The following CNTNAP5 variants were observed in gnomAD, a reference collection of about 807,000 sequenced individuals.
The protein encoded by CNTNAP5 is contactin associated protein family member 5.
CNTNAP5 carries 72 observed loss-of-function variants against 150.2 expected under a neutral mutation model. The ratio of observed to expected loss-of-function variants is 0.48; its 90% CI spans 0.40 to 0.58. The LOEUF is 0.58. Ranked by LOEUF, CNTNAP5 falls within the 20% of genes least tolerant of loss-of-function variation. The probability of loss-of-function intolerance (pLI) is 0.00; values close to 1 mark genes in which losing one functional copy is unlikely to be tolerated. For synonymous variants in CNTNAP5, 672 were observed against 619.8 expected (o/e 1.08, Z -1.25); for missense variants, 1,636 against 1,626.2 (o/e 1.01, Z -0.10).
intron 1 of CNTNAP5, among the ~76,000 whole-genome samples, chr2:124,108,304 G>A (rs1042614087): frequency 7.2e-5 from 11 of 152,062 alleles, no homozygotes; most frequent in Non-Finnish European, 1.2e-4. Flanking sequence ...TAAATTAATA[G>A]CTTTCCTCTC....
At chr2:124,789,250 G>A (rs1267511570) in intron 17 of CNTNAP5, among the ~76,000 whole-genome samples, 1 of 152,108 alleles carries the variant, frequency 6.6e-6, no homozygotes, top group Non-Finnish European at 1.5e-5. Context: ...GACTGTGTGA[G>A]AACTTTTTTT....
At chr2:124,656,684 C>T (rs893853965) in intron 13 of CNTNAP5, among the ~76,000 whole-genome samples, 2 of 152,102 alleles carry the variant, frequency 1.3e-5, no homozygotes, top group African/African-American at 4.8e-5. Flanking sequence ...CTGTTCAGAC[C>T]ATGAATTATT....
intron 8 of CNTNAP5, among the ~76,000 whole-genome samples, chr2:124,511,807 C>G (rs957970395): frequency 2.0e-5 from 3 of 152,162 alleles, no homozygotes; most frequent in African/African-American, 7.2e-5. Context: ...GAAAAGTAAA[C>G]TTAGCCTATT....
chr2:124,635,440 C>T (rs951589335), intron 12 of CNTNAP5, among the ~76,000 whole-genome samples: 2 of 152,098 alleles, frequency 1.3e-5, no homozygotes, highest in Non-Finnish European at 1.5e-5. Context: ...CAGATCAAAC[C>T]ATATCATGGG....
At chr2:124,331,128 T>C (rs1203611040) in intron 3 of CNTNAP5, among the ~76,000 whole-genome samples, 1 of 152,062 alleles carries the variant, frequency 6.6e-6, no homozygotes, top group Non-Finnish European at 1.5e-5. Flanking sequence ...TTCCCATATG[T>C]CCTTAATGAC....
intron 19 of CNTNAP5, among the ~76,000 whole-genome samples, chr2:124,833,471 G>A (rs1429973761): frequency 1.3e-5 from 2 of 152,118 alleles, no homozygotes; most frequent in African/African-American, 4.8e-5. Context: ...GGGACACCAT[G>A]ATTGTTGACT....
chr2:124,087,697 G>C (rs1682724221), intron 1 of CNTNAP5, among the ~76,000 whole-genome samples: 1 of 151,756 alleles, frequency 6.6e-6, no homozygotes, highest in Non-Finnish European at 1.5e-5. Flanking sequence ...ACTCCAGCCT[G>C]GGCGACAGAG....
chr2:124,659,470 G>GC lies in CNTNAP5; in HGVS notation c.2077+11514dup, dbSNP rs750329959. Among the ~76,000 whole-genome samples, 73 of 152,186 alleles carry GC rather than the reference G, an allele frequency of 4.8e-4. 1 individual carries two copies. Among genetic ancestry groups the GC allele is most frequent in the Admixed American group, 1.7e-3 (26 of 15,286 alleles). Reference sequence around the variant, plus strand: ...AAACACAACATAATTCCCCCACTCTGCCACTTATTTTTGGAGTAGCCATCA... The same window carrying GC: ...AAACACAACATAATTCCCCCACTCTGCCCACTTATTTTTGGAGTAGCCATCA... On this transcript the variant is annotated intron_variant, in intron 13 of 23. Coordinates refer to ENST00000682447, the MANE Select transcript of CNTNAP5 (RefSeq NM_001367498.1).
At chr2:124,692,058 T>TAAGAGACC in intron 13 of CNTNAP5, among the ~76,000 whole-genome samples, 1 of 152,226 alleles carries the variant, frequency 6.6e-6, no homozygotes, top group Non-Finnish European at 1.5e-5. Flanking sequence ...TATTGGATGA[T>TAAGAGACC]AAGAGACCAC....
At chr2:124,534,305 C>A (rs1695180789) in intron 10 of CNTNAP5, among the ~76,000 whole-genome samples, 2 of 152,062 alleles carry the variant, frequency 1.3e-5, no homozygotes, top group Non-Finnish European at 2.9e-5. Flanking sequence ...AAAGTGAAAG[C>A]AAGTTTATTA....
rs925975920 is a variant in CNTNAP5, at chr2:124,468,767, T to G, written c.919-5972T>G. ...GCCCTTAACACATTTACTGATAACTTCAGCCCATTTGTACCCTCAACCTGC... is the reference window on the plus strand; with the variant it reads ...GCCCTTAACACATTTACTGATAACTGCAGCCCATTTGTACCCTCAACCTGC... On this transcript the variant is annotated intron_variant, in intron 6 of 23. Transcript: ENST00000682447. Among the ~76,000 whole-genome samples the G allele has an allele frequency of 5.3e-5, 8 of 152,268 alleles. No homozygotes were observed. The South Asian group carries it at 1.2e-3, about 24-fold the overall frequency.
At chr2:124,580,135 G>A (rs1326756427) in intron 11 of CNTNAP5, among the ~76,000 whole-genome samples, 4 of 152,140 alleles carry the variant, frequency 2.6e-5, no homozygotes, top group Non-Finnish European at 5.9e-5. Flanking sequence ...TTTCCCAGTG[G>A]GTTTCAAGAC....
intron 2 of CNTNAP5, among the ~76,000 whole-genome samples, chr2:124,231,555 A>T (rs940494377): frequency 6.6e-6 from 1 of 152,154 alleles, no homozygotes; most frequent in Non-Finnish European, 1.5e-5. Context: ...GTATTCCCTT[A>T]GGGTTCTCAG....
At chr2:124,711,953 T>C (rs768200977) in intron 13 of CNTNAP5, among the ~76,000 whole-genome samples, 1 of 152,150 alleles carries the variant, frequency 6.6e-6, no homozygotes, top group Non-Finnish European at 1.5e-5. Flanking sequence ...AGCCTGACCC[T>C]AGACACGTGC....
chr2:124,348,144 C>G (rs1689788220), intron 3 of CNTNAP5, among the ~76,000 whole-genome samples: 1 of 152,188 alleles, frequency 6.6e-6, no homozygotes, highest in East Asian at 1.9e-4. Flanking sequence ...TTTCAGTGTA[C>G]AAGTCTTATC....
intron 19 of CNTNAP5, among the ~76,000 whole-genome samples, chr2:124,852,710 G>A (rs28735973): frequency 0.066 from 10,000 of 152,278 alleles, 989 homozygotes; most frequent in African/African-American, 0.22. Flanking sequence ...AAGTTCAGAT[G>A]TGTTGTAGTT....
chr2:124,270,148 T>C (rs1417351001), intron 3 of CNTNAP5, among the ~76,000 whole-genome samples: 2 of 151,984 alleles, frequency 1.3e-5, no homozygotes, highest in Non-Finnish European at 2.9e-5. Flanking sequence ...AAACCCCGTC[T>C]CTACTAAAAT....
intron 10 of CNTNAP5, among the ~76,000 whole-genome samples, chr2:124,537,401 C>T (rs778197952): frequency 7.2e-5 from 11 of 152,110 alleles, no homozygotes; most frequent in Admixed American, 2.6e-4. Flanking sequence ...CGGTGCCTCA[C>T]GGGTTATCAT....
intron 13 of CNTNAP5, among the ~76,000 whole-genome samples, chr2:124,703,206 CTCCCTCTCTTT>C (rs200085409): frequency 5.5e-4 from 72 of 130,006 alleles, no homozygotes; most frequent in Middle Eastern, 4.0e-3. Context: ...TTCCTTCCTT[CTCCCTCTCTTT>C]CTTCTTCCTT....
Sources: gnomAD v4.1 joint callset for allele counts (sites outside exome capture counted in the v4.1 genomes callset) on GRCh38, gnomAD v4.1.1 for gene constraint, MANE v1.5 for transcripts, NCBI Gene and HGNC (gene_info 2026-07-23, HGNC 2026-07-21) for gene names.